The following TRIM44 variants were observed in gnomAD, a reference collection of about 807,000 sequenced individuals.
The protein encoded by TRIM44 is tripartite motif containing 44.
Under a neutral mutation model 37.4 loss-of-function variants are expected in TRIM44, and 13 were observed. The ratio of observed to expected loss-of-function variants is 0.35; its 90% CI spans 0.23 to 0.55. The LOEUF is 0.55. Ranked by LOEUF, TRIM44 falls within the 20% of genes least tolerant of loss-of-function variation. The pLI, the probability that TRIM44 is intolerant of heterozygous loss-of-function variation, is 0.89. For missense variants in TRIM44, 426 were observed against 437.2 expected (o/e 0.97, Z 0.23); for synonymous variants, 175 against 157.2 (o/e 1.11, Z -0.85).
chr11:35,673,893 G>T (rs969159335), intron 1 of TRIM44, among the ~76,000 whole-genome samples: 1 of 151,800 alleles, frequency 6.6e-6, no homozygotes, highest in East Asian at 1.9e-4. Context: ...TTTTCTCTCC[G>T]CTTGCACCTA....
chr11:35,792,513 G>A (rs77572742), intron 4 of TRIM44, among the ~76,000 whole-genome samples: 1,983 of 152,288 alleles, frequency 0.013, 20 homozygotes, highest in Middle Eastern at 0.054. Context: ...CTTAGTGCTC[G>A]TAGAGAAAGG....
In TRIM44 at chr11:35,807,532, A is replaced by T. The variant is rs1350813581; in HGVS notation, c.*1147A>T. On this transcript the variant is annotated 3_prime_UTR_variant, in exon 5 of 5. Transcript: ENST00000299413. ...TTGCTTTTCTCTACTTCCAAATCAC[A>T]ATTTCTTACAACCAAGCTTTGTGCT... The T allele has an allele frequency of 2.0e-5, 3 of 152,060 alleles. No homozygotes were observed. Among genetic ancestry groups the T allele is most frequent in the Non-Finnish European group, 4.4e-5 (3 of 68,006 alleles). The allele number at this position is 152,060 out of a possible 1,614,324, so 9.4% of individuals were successfully genotyped here.
chr11:35,716,016 G>C (rs958082067), intron 2 of TRIM44, among the ~76,000 whole-genome samples: 1 of 152,146 alleles, frequency 6.6e-6, no homozygotes, highest in Non-Finnish European at 1.5e-5. Context: ...GATTACAATT[G>C]AATGTGAGAT....
At chr11:35,713,805 G>A (rs1333536701) in intron 2 of TRIM44, among the ~76,000 whole-genome samples, 1 of 152,142 alleles carries the variant, frequency 6.6e-6, no homozygotes, top group Non-Finnish European at 1.5e-5. Flanking sequence ...TGAGAGGCAA[G>A]TTGTGAGATT....
At chr11:35,719,675 T>A (rs1852078249) in intron 2 of TRIM44, among the ~76,000 whole-genome samples, 1 of 152,170 alleles carries the variant, frequency 6.6e-6, no homozygotes, top group Non-Finnish European at 1.5e-5. Flanking sequence ...TTTTATAGTT[T>A]TGCATTTTAC....
intron 2 of TRIM44, among the ~76,000 whole-genome samples, chr11:35,687,890 T>C (rs969051444): frequency 2.0e-5 from 3 of 152,188 alleles, no homozygotes; most frequent in Non-Finnish European, 4.4e-5. Context: ...TATTTTATTT[T>C]CAAGCCCCTT....
chr11:35,765,450 C>T (rs547573420), intron 4 of TRIM44, among the ~76,000 whole-genome samples: 9 of 152,238 alleles, frequency 5.9e-5, no homozygotes, highest in East Asian at 5.8e-4. Context: ...TGACTCATTC[C>T]GACCAGTGAC....
intron 4 of TRIM44, among the ~76,000 whole-genome samples, chr11:35,752,469 T>A (rs1852570291): frequency 6.6e-6 from 1 of 152,194 alleles, no homozygotes; most frequent in Non-Finnish European, 1.5e-5. Flanking sequence ...GTCTGGAATT[T>A]GTGTCAGAAT....
At chr11:35,675,207 T>C (rs1851447058) in intron 1 of TRIM44, among the ~76,000 whole-genome samples, 1 of 152,210 alleles carries the variant, frequency 6.6e-6, no homozygotes, top group African/African-American at 2.4e-5. Flanking sequence ...GTAATAATCT[T>C]GTCTAGTTCC....
At chr11:35,795,312 T>C (rs1378888679) in intron 4 of TRIM44, among the ~76,000 whole-genome samples, 1 of 152,078 alleles carries the variant, frequency 6.6e-6, no homozygotes, top group Non-Finnish European at 1.5e-5. Context: ...TTTGAAATAT[T>C]ATTCTGAATA....
chr11:35,785,070 C>G (rs1188472623), intron 4 of TRIM44, among the ~76,000 whole-genome samples: 1 of 152,150 alleles, frequency 6.6e-6, no homozygotes, highest in Non-Finnish European at 1.5e-5. Context: ...AATACTTGTC[C>G]TGTACTGACT....
intron 4 of TRIM44, among the ~76,000 whole-genome samples, chr11:35,738,049 C>T (rs1852347345): frequency 6.6e-6 from 1 of 152,152 alleles, no homozygotes; most frequent in South Asian, 2.1e-4. Context: ...AAATCCAGTC[C>T]AGTCAGAGCC....
chr11:35,810,009 T>C lies in TRIM44; in HGVS notation c.*3624T>C, dbSNP rs1244942787. 6.6e-6 allele frequency: 1 copy of C among 152,186 alleles called. No individual in the cohort carries two copies. The highest frequency in any genetic ancestry group is 1.5e-5 in the Non-Finnish European group (1 of 68,032). The allele number at this position is 152,186 out of a possible 1,614,324, so 9.4% of individuals were successfully genotyped here. On this transcript the variant is annotated 3_prime_UTR_variant, in exon 5 of 5. Transcript: ENST00000299413. The stretch of plus-strand genomic sequence containing the variant: ...TGTCACCATATAGTTGGGGCTTAGG[T>C]ACTTGCTTACAGGAAGAGCAATTCC...
At chr11:35,766,527 G>A (rs1323204774) in intron 4 of TRIM44, among the ~76,000 whole-genome samples, 1 of 152,194 alleles carries the variant, frequency 6.6e-6, no homozygotes, top group African/African-American at 2.4e-5. Flanking sequence ...GGACAACAGA[G>A]TGCTCCTACA....
rs867376661 is a variant in TRIM44 at position 35,705,751 on chromosome 11, A to G, written c.748-20173A>G. On this transcript the variant is annotated intron_variant, in intron 2 of 4. Coordinates refer to ENST00000299413, the MANE Select transcript of TRIM44 (RefSeq NM_017583.6). ...CACAACATACCAGAATCTCTGGGAC[A>G]CATTCAAAGCAGTGTGTAGAGGGAA... Among the ~76,000 whole-genome samples, 46 of 146,944 alleles carry G rather than the reference A, an allele frequency of 3.1e-4. 1 individual carries two copies. Among genetic ancestry groups the G allele is most frequent in the Non-Finnish European group, 5.8e-4 (38 of 65,018 alleles).
chr11:35,663,166 G>T lies in TRIM44; in HGVS notation c.55G>T (p.Asp19Tyr). Residue 19 changes from aspartate (D) to tyrosine (Y), a missense_variant, in exon 1 of 5, where the codon GAC (aspartate) becomes TAC (tyrosine). Physicochemically the swap from Asp to Tyr is radical, Grantham distance 160 (BLOSUM62 -3). Coordinates refer to ENST00000299413, the MANE Select transcript of TRIM44 (RefSeq NM_017583.6). ...GGAACTGCCTCACGACGGCACGTGT[G>T]ACGAGTGCGAGCCCGACGAGGCTCC... ...FEELPHDGTC[D>Y]ECEPDEAPGA... 1 of 1,565,148 alleles carries T rather than the reference G, an allele frequency of 6.4e-7. No homozygotes were observed. Among genetic ancestry groups the T allele is most frequent in the South Asian group, 1.2e-5 (1 of 82,586 alleles).
chr11:35,668,035 G>C (rs1851351180), intron 1 of TRIM44, among the ~76,000 whole-genome samples: 1 of 152,118 alleles, frequency 6.6e-6, no homozygotes, highest in Admixed American at 6.6e-5. Context: ...GGAAGTATTT[G>C]TGAAAGATTG....
At chr11:35,672,714 A>G (rs552725673) in intron 1 of TRIM44, among the ~76,000 whole-genome samples, 2 of 152,292 alleles carry the variant, frequency 1.3e-5, no homozygotes, top group Admixed American at 6.5e-5. Context: ...CATAGTGGTC[A>G]GTGAATCTGG....
chr11:35,725,061 C>T (rs940909021), intron 2 of TRIM44, among the ~76,000 whole-genome samples: 2 of 87,692 alleles, frequency 2.3e-5, no homozygotes, highest in African/African-American at 1.7e-4. Flanking sequence ...GAGACATGCA[C>T]ACACTCACAC....
Sources: gnomAD v4.1 joint callset for allele counts (sites outside exome capture counted in the v4.1 genomes callset) on GRCh38, gnomAD v4.1.1 for gene constraint, MANE v1.5 for transcripts, NCBI Gene and HGNC (gene_info 2026-07-23, HGNC 2026-07-21) for gene names.